The following TENM1 variants were observed in gnomAD, a reference collection of about 807,000 sequenced individuals.
TENM1 encodes teneurin-1.
TENM1 carries 35 observed loss-of-function variants against 174.8 expected under a neutral mutation model. The ratio of observed to expected loss-of-function variants is 0.20; its 90% CI spans 0.15 to 0.27. The LOEUF is 0.27. Ranked by LOEUF, TENM1 falls within the 10% of genes least tolerant of loss-of-function variation. TENM1 has a pLI of 1.00. For missense variants in TENM1, 1,633 were observed against 2,130.1 expected (o/e 0.77, Z 4.59); for synonymous variants, 781 against 798.7 (o/e 0.98, Z 0.37).
chrX:124,795,651 A>G (rs1046325144), intron 3 of TENM1, among the ~76,000 whole-genome samples: 7 of 110,935 alleles, frequency 6.3e-5, no homozygotes, highest in Non-Finnish European at 1.1e-4. Context: ...ACCTCTTTTA[A>G]TTCAGAAAAA....
the TENM1 span, among the ~76,000 whole-genome samples, chrX:125,021,586 AT>A: frequency 0.093 from 10,059 of 107,729 alleles, 372 homozygotes; most frequent in South Asian, 0.2. Flanking sequence ...TCTGGCAAAC[AT>A]TTTTTTTTTC....
At chrX:124,786,275 T>C (rs1202843055) in intron 3 of TENM1, among the ~76,000 whole-genome samples, 2 of 111,851 alleles carry the variant, frequency 1.8e-5, no homozygotes. Context: ...AGTTTTCAGA[T>C]ATATCTCTTG....
chrX:124,798,884 T>A lies in TENM1; in HGVS notation c.536-61687A>T, dbSNP rs780177155. ...TTTTGTATAAGGTATAAGGAAGGGG[T>A]CCAGTTTCAGTTTTCTGTGTATGGC... On this transcript the variant is annotated intron_variant, in intron 3 of 31. Coordinates refer to ENST00000422452, the Ensembl canonical transcript of TENM1. Among the ~76,000 whole-genome samples the A allele has an allele frequency of 4.5e-5, 5 of 112,097 alleles. No individual in the cohort carries two copies. The South Asian group carries it at 1.9e-3, about 42-fold the overall frequency.
At chrX:124,783,784 T>A (rs2054973937) in intron 3 of TENM1, among the ~76,000 whole-genome samples, 1 of 111,946 alleles carries the variant, frequency 8.9e-6, no homozygotes, top group Admixed American at 9.5e-5. Flanking sequence ...GCAGAAATCT[T>A]GACAGAAAAC....
At chrX:124,681,753 G>A (rs1193320523) in intron 5 of TENM1, among the ~76,000 whole-genome samples, 1 of 111,567 alleles carries the variant, frequency 9.0e-6, no homozygotes, top group Admixed American at 9.6e-5. Context: ...CATAAAATGT[G>A]CACAATAACA....
the TENM1 span, among the ~76,000 whole-genome samples, chrX:125,159,785 G>A: frequency 1.8e-5 from 2 of 111,944 alleles, no homozygotes; most frequent in Non-Finnish European, 3.8e-5. Context: ...GTTAGAGTCA[G>A]CTTCTAGAGA....
At chrX:124,549,837 G>A (rs144686077) in intron 14 of TENM1, among the ~76,000 whole-genome samples, 96 of 110,625 alleles carry the variant, frequency 8.7e-4, no homozygotes, top group African/African-American at 3.1e-3. Flanking sequence ...CATATAGTAC[G>A]TCTAGACTGT....
intron 3 of TENM1, among the ~76,000 whole-genome samples, chrX:124,812,309 T>C (rs2055798728): frequency 9.0e-6 from 1 of 111,421 alleles, no homozygotes; most frequent in Non-Finnish European, 1.9e-5. Context: ...AATAAAAATT[T>C]GAACAAGCTA....
At chrX:125,192,902 T>C in the TENM1 span, among the ~76,000 whole-genome samples, 1 of 111,906 alleles carries the variant, frequency 8.9e-6, no homozygotes, top group Non-Finnish European at 1.9e-5. Flanking sequence ...AGAACTTATT[T>C]GCCTTGCATA....
At chrX:125,170,891 G>A in the TENM1 span, among the ~76,000 whole-genome samples, 1 of 110,769 alleles carries the variant, frequency 9.0e-6, no homozygotes, top group Non-Finnish European at 1.9e-5. Flanking sequence ...ACTAGGATGC[G>A]CTTCCCTACC....
At chrX:125,057,165 T>G in the TENM1 span, among the ~76,000 whole-genome samples, 1 of 112,002 alleles carries the variant, frequency 8.9e-6, no homozygotes, top group African/African-American at 3.2e-5. Context: ...TGCAAGATAA[T>G]ATGTTCTAAT....
At chrX:124,542,090 C>T (rs1005508934) in intron 15 of TENM1, among the ~76,000 whole-genome samples, 4 of 112,293 alleles carry the variant, frequency 3.6e-5, no homozygotes, top group African/African-American at 3.2e-5. Flanking sequence ...GTTCCAGCCC[C>T]CAGTTATTTG....
intron 4 of TENM1, among the ~76,000 whole-genome samples, chrX:124,721,934 T>G (rs1342554313): frequency 8.9e-6 from 1 of 112,291 alleles, no homozygotes; most frequent in Non-Finnish European, 1.9e-5. Flanking sequence ...CAAACATACA[T>G]GCATACATAT....
the TENM1 span, among the ~76,000 whole-genome samples, chrX:125,154,296 C>T: frequency 1.8e-5 from 2 of 111,689 alleles, no homozygotes; most frequent in East Asian, 5.6e-4. Context: ...GGATAAGATT[C>T]TGAAGTCATC....
In TENM1 at chrX:124,963,643, T is replaced by A; in HGVS notation, c.111A>T (p.Arg37Ser). ...GGGTCTCCCTGGAGTTGTATGACTG[T>A]CTTGGTTTTCTTCCATCTTCACTCT... The change falls in exon 1 of 32, where the codon AGA becomes AGT. Residue 37 changes from arginine (R) to serine (S), a missense_variant. Physicochemically the swap from Arg to Ser is moderately radical, Grantham distance 110 (BLOSUM62 -1). This residue lies in a region of TENM1 where 305 missense variants were observed against 309.2 expected (regional missense o/e 0.99). Transcript: ENST00000422452. 3 of 1,211,361 alleles carry A rather than the reference T, an allele frequency of 2.5e-6. No homozygotes were observed. The highest frequency in any genetic ancestry group is 3.5e-5 in the African/African-American group (2 of 57,829).
the TENM1 span, among the ~76,000 whole-genome samples, chrX:125,157,589 G>A: frequency 3.6e-5 from 4 of 111,813 alleles, no homozygotes; most frequent in East Asian, 5.6e-4. Context: ...AAGAATGGCC[G>A]ATCTCCCAAT....
chrX:124,417,505 C>T (rs978936029), intron 25 of TENM1, among the ~76,000 whole-genome samples: 1 of 111,459 alleles, frequency 9.0e-6, no homozygotes, highest in African/African-American at 3.3e-5. Context: ...AGCCACTGTG[C>T]CTGGCCCATA....
chrX:125,056,803 G>A, the TENM1 span, among the ~76,000 whole-genome samples: 4,005 of 111,734 alleles, frequency 0.036, 193 homozygotes, highest in African/African-American at 0.12. Context: ...AAACGTTTTT[G>A]TAAAACCTCA....
intron 3 of TENM1, among the ~76,000 whole-genome samples, chrX:124,855,181 C>T (rs1355312687): frequency 1.8e-5 from 2 of 111,476 alleles, no homozygotes; most frequent in East Asian, 2.8e-4. Context: ...TCATATGTTT[C>T]GCATTTGACA....
Sources: allele counts gnomAD v4.1 joint callset (sites outside exome capture counted in the v4.1 genomes callset), GRCh38; gene constraint gnomAD v4.1.1; regional missense constraint gnomAD v4.1.1; transcripts MANE v1.5; gene names NCBI Gene and HGNC (gene_info 2026-07-23, HGNC 2026-07-21).